Variants in CADPS2 observed in about 807,000 individuals in gnomAD.
The protein encoded by CADPS2 is calcium dependent secretion activator 2.
A neutral mutation model predicts 172.5 loss-of-function variants in CADPS2; 93 were observed. The ratio of observed to expected loss-of-function variants is 0.54; its 90% confidence interval spans 0.46 to 0.64. The LOEUF (loss-of-function observed/expected upper bound fraction) is 0.64, where lower values mean the gene tolerates loss of function less well. Among genes scored for constraint, CADPS2 ranks in the 30% least tolerant of loss-of-function variants. CADPS2 has a pLI of 0.00. For missense variants in CADPS2, 1,420 were observed against 1,565.9 expected, an observed-to-expected ratio of 0.91 and a Z score of 1.57; for synonymous variants, 546 against 555.2, an observed-to-expected ratio of 0.98 and a Z score of 0.23.
chr7:122,477,032 GGAGAGGAGAGGAGAGAGAGA>G (rs1417410381), intron 12 of CADPS2, among the ~76,000 whole-genome samples: 2 of 99,850 alleles, frequency 2.0e-5, no homozygotes, highest in African/African-American at 9.9e-5. Flanking sequence ...GGAGAGGAGA[GGAGAGGAGAGGAGAGAGAGA>G]AGAGAGAGAG....
chr7:122,877,942 T>C (rs1205269689), intron 1 of CADPS2, among the ~76,000 whole-genome samples: 1 of 151,828 alleles, frequency 6.6e-6, no homozygotes, highest in Non-Finnish European at 1.5e-5. Context: ...GAAGATGAAG[T>C]CCAGGCCCTC....
intron 1 of CADPS2, among the ~76,000 whole-genome samples, chr7:122,865,221 C>T (rs1244662051): frequency 6.6e-6 from 1 of 152,192 alleles, no homozygotes; most frequent in Non-Finnish European, 1.5e-5. Flanking sequence ...CTTCCACATA[C>T]GTTGAATTAG....
chr7:122,323,873 T>TTATATATA (rs71159788), intron 29 of CADPS2, among the ~76,000 whole-genome samples: 35 of 112,492 alleles, frequency 3.1e-4, no homozygotes, highest in African/African-American at 1.1e-3. Context: ...TATGTATATT[T>TTATATATA]TATATATATA....
chr7:122,469,775 AT>A (rs1257853894), intron 14 of CADPS2, among the ~76,000 whole-genome samples: 3 of 151,868 alleles, frequency 2.0e-5, no homozygotes, highest in Non-Finnish European at 2.9e-5. Context: ...ATGAGAACTG[AT>A]TTTTGCCTTT....
chr7:122,613,221 C>T (rs1259992018), intron 6 of CADPS2, among the ~76,000 whole-genome samples: 1 of 151,876 alleles, frequency 6.6e-6, no homozygotes. Flanking sequence ...AAATACAAAT[C>T]AAGAAAGTGA....
At chr7:122,481,797 G>A (rs2152266274) in intron 11 of CADPS2, among the ~76,000 whole-genome samples, 1 of 152,248 alleles carries the variant, frequency 6.6e-6, no homozygotes, top group South Asian at 2.1e-4. Flanking sequence ...GATCACCTGA[G>A]GTCAGGAGTT....
At chr7:122,496,036 G>A (rs1183619869) in intron 9 of CADPS2, among the ~76,000 whole-genome samples, 3 of 152,030 alleles carry the variant, frequency 2.0e-5, no homozygotes, top group African/African-American at 7.2e-5. Context: ...TTTTGCCAGA[G>A]ATTTATTCAC....
At chr7:122,396,353 C>T (rs1291348011) in intron 20 of CADPS2, among the ~76,000 whole-genome samples, 1 of 152,124 alleles carries the variant, frequency 6.6e-6, no homozygotes. Flanking sequence ...TTGCAATAGT[C>T]CAGCCCTCTC....
At chr7:122,711,323 T>C (rs747077542) in intron 2 of CADPS2, among the ~76,000 whole-genome samples, 10 of 152,194 alleles carry the variant, frequency 6.6e-5, no homozygotes, top group Non-Finnish European at 1.3e-4. Flanking sequence ...TAATTATTTT[T>C]ATGTAAATGA....
chr7:122,787,258 A>G (rs1376901693), intron 1 of CADPS2, among the ~76,000 whole-genome samples: 1 of 152,180 alleles, frequency 6.6e-6, no homozygotes, highest in East Asian at 1.9e-4. Flanking sequence ...TGAAAATTTT[A>G]TCACTTGTGT....
intron 8 of CADPS2, among the ~76,000 whole-genome samples, chr7:122,520,502 C>A (rs1193317678): frequency 6.6e-6 from 1 of 151,916 alleles, no homozygotes; most frequent in Non-Finnish European, 1.5e-5. Context: ...TTTAAGAACT[C>A]ATTTTCTGAT....
chr7:122,839,442 AC>A (rs1473595423), intron 1 of CADPS2, among the ~76,000 whole-genome samples: 2 of 152,232 alleles, frequency 1.3e-5, no homozygotes, highest in African/African-American at 4.8e-5. Flanking sequence ...ATCTAACTAA[AC>A]TAAAGAACTT....
rs569746342 is a variant in CADPS2, at chr7:122,695,794, G to A, written c.454-32225C>T. Reference sequence around the variant, plus strand: ...TGCACATGCCAATTTCTTATGCATGGGAGTAACTCAGGTCTTAGATTGACA... The same window carrying A: ...TGCACATGCCAATTTCTTATGCATGAGAGTAACTCAGGTCTTAGATTGACA... On this transcript the variant is annotated intron_variant, in intron 2 of 29. Coordinates refer to ENST00000449022, the MANE Select transcript of CADPS2 (RefSeq NM_017954.11). Among the ~76,000 whole-genome samples, 3 of 152,260 alleles carry A rather than the reference G, an allele frequency of 2.0e-5. No homozygotes were observed. The South Asian group carries it at 6.2e-4, about 32-fold the overall frequency.
At chr7:122,568,259 TAAC>T (rs2066725991) in intron 7 of CADPS2, among the ~76,000 whole-genome samples, 1 of 151,268 alleles carries the variant, frequency 6.6e-6, no homozygotes, top group African/African-American at 2.4e-5. Context: ...ACAACAACAA[TAAC>T]AACAAAAAGA....
At chr7:122,542,670 T>C (rs878969043) in intron 8 of CADPS2, among the ~76,000 whole-genome samples, 1 of 152,152 alleles carries the variant, frequency 6.6e-6, no homozygotes, top group East Asian at 1.9e-4. Flanking sequence ...TGATTCATTT[T>C]AATGTTTTAC....
rs550238270 is a variant in CADPS2, at chr7:122,862,734, A to T, written c.339+23265T>A. ...AATAAGCTCCATTTTGTTTTTTTTAAAAAAAAAAGAATAACCCTTTTTGCT... is the reference window on the plus strand; with the variant it reads ...AATAAGCTCCATTTTGTTTTTTTTATAAAAAAAAGAATAACCCTTTTTGCT... On this transcript the variant is annotated intron_variant, in intron 1 of 29. Transcript: ENST00000449022. Among the ~76,000 whole-genome samples the T allele has an allele frequency of 5.6e-4, 85 of 151,406 alleles. 1 individual carries two copies. The highest frequency in any genetic ancestry group is 3.4e-3 in the Middle Eastern group (1 of 292).
chr7:122,462,662 G>T (rs931621586), intron 14 of CADPS2, among the ~76,000 whole-genome samples: 4 of 152,102 alleles, frequency 2.6e-5, no homozygotes, highest in African/African-American at 9.7e-5. Flanking sequence ...AAAGGCTAAC[G>T]ATGTGAACAT....
intron 17 of CADPS2, among the ~76,000 whole-genome samples, chr7:122,427,811 A>T (rs2049360823): frequency 6.6e-6 from 1 of 152,108 alleles, no homozygotes; most frequent in Non-Finnish European, 1.5e-5. Context: ...TCTTTAAAAA[A>T]CTAGAATTTT....
chr7:122,433,823 T>C (rs537542445), intron 17 of CADPS2, among the ~76,000 whole-genome samples: 1 of 152,334 alleles, frequency 6.6e-6, no homozygotes, highest in East Asian at 1.9e-4. Context: ...AAGATTTCTG[T>C]TTGGTTGAAG....
Sources: allele counts gnomAD v4.1 joint callset (sites outside exome capture counted in the v4.1 genomes callset), GRCh38; gene constraint gnomAD v4.1.1; transcripts MANE v1.5; gene names NCBI Gene and HGNC (gene_info 2026-07-23, HGNC 2026-07-21).